MORC1: variants seen among roughly 807,000 people sequenced by gnomAD.
MORC1 encodes MORC family CW-type zinc finger 1, also known as MORC family CW-type zinc finger protein 1.
In MORC1, 59 loss-of-function variants were observed where a neutral mutation model predicts 134.9. The ratio of observed to expected loss-of-function variants is 0.44; its 90% CI spans 0.35 to 0.54. The LOEUF (loss-of-function observed/expected upper bound fraction) is 0.54. Among genes scored for constraint, MORC1 ranks in the 20% least tolerant of loss-of-function variants. MORC1 has a pLI of 0.00. For missense variants in MORC1, 947 were observed against 1,134.5 expected (o/e 0.83, Z 2.37); for synonymous variants, 395 against 391.7 (o/e 1.01, Z -0.10).
intron 2 of MORC1, among the ~76,000 whole-genome samples, chr3:109,112,280 A>G (rs998276651): frequency 1.3e-5 from 2 of 152,214 alleles, no homozygotes; most frequent in African/African-American, 4.8e-5. Context: ...AATCCTTCCT[A>G]TATCACCACA....
At chr3:109,071,359 A>G (rs974136099) in intron 8 of MORC1, among the ~76,000 whole-genome samples, 1 of 152,214 alleles carries the variant, frequency 6.6e-6, no homozygotes, top group African/African-American at 2.4e-5. Context: ...ATATACATGA[A>G]CACTAATACT....
chr3:109,117,347 A>G (rs1052663143), intron 1 of MORC1, among the ~76,000 whole-genome samples: 3 of 151,228 alleles, frequency 2.0e-5, no homozygotes, highest in African/African-American at 7.3e-5. Context: ...AAAAAAAAAA[A>G]AAAAAAGAAA....
At chr3:109,007,123 G>T (rs1231740779) in intron 17 of MORC1, 32 bp from the exon 18 acceptor site, 36 of 1,569,868 alleles carry the variant, frequency 2.3e-5, no homozygotes, top group Non-Finnish European at 2.9e-5. Context: ...TAAGGCAAAT[G>T]TAAGTAAAAA....
At chr3:108,982,583 T>G (rs1397724305) in intron 23 of MORC1, among the ~76,000 whole-genome samples, 221 of 126,370 alleles carry the variant, frequency 1.7e-3, no homozygotes, top group South Asian at 4.3e-3. Context: ...TGTCGTGGGA[T>G]GGGGGGGGCA....
intron 8 of MORC1, among the ~76,000 whole-genome samples, chr3:109,083,594 C>G (rs1950563374): frequency 6.6e-6 from 1 of 152,242 alleles, no homozygotes; most frequent in East Asian, 1.9e-4. Context: ...TAAAGAAGAA[C>G]TAATACCAAT....
chr3:109,075,782 C>CT (rs1950409283), intron 8 of MORC1, among the ~76,000 whole-genome samples: 1 of 147,896 alleles, frequency 6.8e-6, no homozygotes, highest in Admixed American at 6.9e-5. Context: ...TATATGGGCT[C>CT]TTTTTTTGGT....
At chr3:109,067,203 A>G (rs1950217437) in intron 9 of MORC1, among the ~76,000 whole-genome samples, 1 of 152,212 alleles carries the variant, frequency 6.6e-6, no homozygotes. Flanking sequence ...TTTCAGCATT[A>G]TGGGTCTATG....
At chr3:109,096,093 G>A (rs931655136) in intron 6 of MORC1, among the ~76,000 whole-genome samples, 1 of 152,176 alleles carries the variant, frequency 6.6e-6, no homozygotes, top group Non-Finnish European at 1.5e-5. Flanking sequence ...TATCTTCAGA[G>A]TTATAAGAGA....
intron 21 of MORC1, among the ~76,000 whole-genome samples, chr3:108,991,742 T>C (rs1379529427): frequency 6.6e-6 from 1 of 152,208 alleles, no homozygotes; most frequent in Non-Finnish European, 1.5e-5. Context: ...TTGCTGAAAC[T>C]TCAAATCCTC....
At chr3:108,974,536 G>A (rs1352202182) in intron 24 of MORC1, among the ~76,000 whole-genome samples, 2 of 152,228 alleles carry the variant, frequency 1.3e-5, no homozygotes, top group East Asian at 3.9e-4. Flanking sequence ...ATTTAAAGGT[G>A]GGCCAGGAGA....
chr3:109,015,490 G>T (rs907481958), intron 17 of MORC1, among the ~76,000 whole-genome samples: 7 of 152,112 alleles, frequency 4.6e-5, no homozygotes, highest in African/African-American at 1.4e-4. Context: ...TCTATCACAT[G>T]CTACTTTCAC....
chr3:109,005,084 C>T lies in MORC1; in HGVS notation c.1999G>A (p.Ala667Thr). 6.2e-7 allele frequency: 1 copy of T among 1,610,190 alleles called. No homozygotes were observed. The highest frequency in any genetic ancestry group is 8.5e-7 in the Non-Finnish European group (1 of 1,178,552). Residue 667 changes from alanine to threonine, a missense_variant, in exon 19 of 28, where the codon GCT becomes ACT. Transcript: ENST00000232603. ...PVALPENVKL[A>T]ERSQRSQIAN... ...AATAATAATACCTGGGATCTCTCAG[C>T]TAGTTTGACATTTTCTGGCAGAGCT...
chr3:109,035,251 G>A, intron 15 of MORC1, 89 bp downstream of exon 15: 1 of 1,223,976 alleles, frequency 8.2e-7, no homozygotes, highest in Non-Finnish European at 1.1e-6. Context: ...TCTTACCTTT[G>A]TCTCCCTCAT....
intron 17 of MORC1, among the ~76,000 whole-genome samples, chr3:109,020,549 G>T (rs374502242): frequency 1.3e-5 from 2 of 152,016 alleles, no homozygotes. Flanking sequence ...GGTGGATCAC[G>T]AGGTCAGGAG....
intron 22 of MORC1, among the ~76,000 whole-genome samples, chr3:108,986,676 G>A (rs1207870505): frequency 1.3e-5 from 2 of 152,078 alleles, no homozygotes; most frequent in East Asian, 3.9e-4. Context: ...CAGCCAGAAA[G>A]TGTCTCTCTG....
At chr3:109,022,867 T>C (rs1948991042) in intron 17 of MORC1, among the ~76,000 whole-genome samples, 1 of 152,110 alleles carries the variant, frequency 6.6e-6, no homozygotes, top group African/African-American at 2.4e-5. Context: ...GTCCTTTATT[T>C]CAAAAAGCAT....
chr3:109,053,578 TA>T (rs934767269), intron 14 of MORC1, among the ~76,000 whole-genome samples: 2 of 150,272 alleles, frequency 1.3e-5, no homozygotes, highest in Non-Finnish European at 3.0e-5. Context: ...AAACACTGGG[TA>T]AACATGAACA....
intron 9 of MORC1, among the ~76,000 whole-genome samples, chr3:109,066,417 C>G (rs1261395737): frequency 6.6e-6 from 1 of 151,924 alleles, no homozygotes; most frequent in Non-Finnish European, 1.5e-5. Flanking sequence ...TCTGGAATAG[C>G]TGGGATTACA....
At chr3:109,020,942 C>T (rs1948943794) in intron 17 of MORC1, among the ~76,000 whole-genome samples, 2 of 152,092 alleles carry the variant, frequency 1.3e-5, no homozygotes, top group Non-Finnish European at 2.9e-5. Context: ...AAACACAATT[C>T]CCCAAACTGA....
Sources: allele counts gnomAD v4.1 joint callset (sites outside exome capture counted in the v4.1 genomes callset), GRCh38; gene constraint gnomAD v4.1.1; transcripts MANE v1.5; gene names NCBI Gene and HGNC (gene_info 2026-07-23, HGNC 2026-07-21).